The following RABGAP1L variants were observed in gnomAD, a reference collection of about 807,000 sequenced individuals.
RABGAP1L encodes the protein rab GTPase-activating protein 1-like.
Under a neutral mutation model 137.7 loss-of-function variants are expected in RABGAP1L, and 63 were observed. The ratio of observed to expected loss-of-function variants is 0.46; its 90% CI spans 0.37 to 0.56. RABGAP1L has a LOEUF of 0.56. RABGAP1L is among the 20% of genes least tolerant of loss of function. The probability of loss-of-function intolerance (pLI) is 0.00; values close to 1 mark genes in which losing one functional copy is unlikely to be tolerated. For missense variants in RABGAP1L, 1,095 were observed against 1,244.0 expected (o/e 0.88, Z 1.80); for synonymous variants, 431 against 433.7 (o/e 0.99, Z 0.08).
chr1:174,454,879 A>G (rs963844924), intron 13 of RABGAP1L, among the ~76,000 whole-genome samples: 2 of 152,092 alleles, frequency 1.3e-5, no homozygotes, highest in African/African-American at 2.4e-5. Flanking sequence ...TGCATCATTC[A>G]TGGCACCTTT....
At chr1:174,481,304 T>C (rs1659064285) in intron 13 of RABGAP1L, among the ~76,000 whole-genome samples, 1 of 152,234 alleles carries the variant, frequency 6.6e-6, no homozygotes, top group African/African-American at 2.4e-5. Context: ...AGTTGAATCA[T>C]TGACCACTTT....
chr1:174,496,924 G>A (rs964630959), intron 13 of RABGAP1L, among the ~76,000 whole-genome samples: 1 of 152,152 alleles, frequency 6.6e-6, no homozygotes. Context: ...GAAAATCGAT[G>A]CTGCAGAGAA....
chr1:174,313,008 T>A (rs757711479), intron 11 of RABGAP1L, among the ~76,000 whole-genome samples: 37 of 152,160 alleles, frequency 2.4e-4, no homozygotes, highest in Non-Finnish European at 4.4e-4. Context: ...AGCTCTGTAG[T>A]ATAGTTTGAA....
intron 1 of RABGAP1L, among the ~76,000 whole-genome samples, chr1:174,179,358 TG>T (rs775929823): frequency 4.3e-4 from 66 of 152,214 alleles, no homozygotes; most frequent in Non-Finnish European, 7.1e-4. Flanking sequence ...GTGAAGAAAA[TG>T]GTTAATTTAA....
chr1:174,618,384 G>A (rs1012339849), intron 13 of RABGAP1L, among the ~76,000 whole-genome samples: 4 of 152,302 alleles, frequency 2.6e-5, no homozygotes, highest in Admixed American at 6.5e-5. Flanking sequence ...TAACTGGGAG[G>A]CACCCTGCAG....
intron 19 of RABGAP1L, among the ~76,000 whole-genome samples, chr1:174,868,179 G>A (rs3118982): frequency 0.36 from 53,731 of 150,798 alleles, 12,017 homozygotes; most frequent in African/African-American, 0.64. Context: ...GGCTGGTCTC[G>A]AACTCCTGAC....
intron 18 of RABGAP1L, among the ~76,000 whole-genome samples, chr1:174,789,749 A>G (rs1480321281): frequency 1.3e-5 from 2 of 152,248 alleles, no homozygotes; most frequent in African/African-American, 4.8e-5. Flanking sequence ...CTGTAAAATT[A>G]TAATATTTCA....
chr1:174,740,008 T>C lies in RABGAP1L; in HGVS notation c.2170-12305T>C, dbSNP rs559386618. ...AGGCTCCTTAGCGATCCTCAGGGTA[T>C]ATTATTATGATTCTTAAAGTTCACT... On this transcript the variant is annotated intron_variant, in intron 17 of 25. Coordinates refer to ENST00000681986, the MANE Select transcript of RABGAP1L (RefSeq NM_001366446.1). 2.6e-5 allele frequency among the ~76,000 whole-genome samples: 4 copies of C among 152,318 alleles called. No individual in the cohort carries two copies. The South Asian group carries it at 8.3e-4, about 32-fold the overall frequency.
At chr1:174,328,748 C>A (rs1166426400) in intron 11 of RABGAP1L, among the ~76,000 whole-genome samples, 1 of 151,866 alleles carries the variant, frequency 6.6e-6, no homozygotes, top group Non-Finnish European at 1.5e-5. Context: ...CCAGCCTGGG[C>A]GACAGAGCAA....
chr1:174,815,052 A>G (rs1690248280), intron 19 of RABGAP1L, among the ~76,000 whole-genome samples: 1 of 152,162 alleles, frequency 6.6e-6, no homozygotes, highest in Non-Finnish European at 1.5e-5. Flanking sequence ...CCCCAAACCA[A>G]AAGGCTGACC....
intron 19 of RABGAP1L, among the ~76,000 whole-genome samples, chr1:174,947,192 C>T (rs1025547297): frequency 6.8e-6 from 1 of 147,050 alleles, no homozygotes; most frequent in Non-Finnish European, 1.5e-5. Context: ...TTTTCAAATG[C>T]AAGCGTGTTT....
intron 4 of RABGAP1L, among the ~76,000 whole-genome samples, chr1:174,234,621 T>C (rs1368678922): frequency 6.6e-6 from 1 of 151,706 alleles, no homozygotes; most frequent in East Asian, 1.9e-4. Context: ...GTTCCATTGA[T>C]CTATATCTCT....
At chr1:174,218,718 A>G (rs1357297962) in intron 1 of RABGAP1L, among the ~76,000 whole-genome samples, 3 of 152,130 alleles carry the variant, frequency 2.0e-5, no homozygotes, top group Non-Finnish European at 2.9e-5. Context: ...TTTAATTAAT[A>G]TAGCAGTGTC....
intron 11 of RABGAP1L, among the ~76,000 whole-genome samples, chr1:174,339,432 A>T (rs954910807): frequency 6.6e-6 from 1 of 152,224 alleles, no homozygotes; most frequent in African/African-American, 2.4e-5. Context: ...ATTCAGGGCT[A>T]TAACTGTACA....
chr1:174,380,959 A>T (rs1450113932), intron 12 of RABGAP1L, among the ~76,000 whole-genome samples: 1 of 116,418 alleles, frequency 8.6e-6, no homozygotes, highest in East Asian at 2.3e-4. Context: ...CACTGCTTTG[A>T]ATGCGTCCCA....
chr1:174,562,690 T>C (rs1557851506), intron 13 of RABGAP1L, among the ~76,000 whole-genome samples: 1 of 152,182 alleles, frequency 6.6e-6, no homozygotes. Flanking sequence ...AAGGATGAGT[T>C]CATGTCCTTT....
chr1:174,216,430 C>T (rs907879207), intron 1 of RABGAP1L, among the ~76,000 whole-genome samples: 1 of 151,732 alleles, frequency 6.6e-6, no homozygotes, highest in Non-Finnish European at 1.5e-5. Context: ...ACACATGTAC[C>T]CACAAAAATT....
At chr1:174,837,621 A>T in intron 19 of RABGAP1L, among the ~76,000 whole-genome samples, 1 of 152,230 alleles carries the variant, frequency 6.6e-6, no homozygotes, top group South Asian at 2.1e-4. Flanking sequence ...AACAAATGCT[A>T]TGCCAAATAT....
chr1:174,781,409 A>G lies in RABGAP1L; in HGVS notation c.2211+29055A>G, dbSNP rs192460989. Among the ~76,000 whole-genome samples, 5 of 151,970 alleles carry G rather than the reference A, an allele frequency of 3.3e-5. 1 individual carries two copies. In the East Asian group the frequency reaches 9.7e-4, roughly 29 times the overall value. The stretch of plus-strand genomic sequence containing the variant: ...CTTCATATCCTTCACCCACTTTTTG[A>G]TGGGGCTGTTTTTTTCTTGTAAATT... On this transcript the variant is annotated intron_variant, in intron 18 of 25. Coordinates refer to ENST00000681986, the MANE Select transcript of RABGAP1L (RefSeq NM_001366446.1).
Sources: allele counts gnomAD v4.1 joint callset (sites outside exome capture counted in the v4.1 genomes callset), GRCh38; gene constraint gnomAD v4.1.1; transcripts MANE v1.5; gene names NCBI Gene and HGNC (gene_info 2026-07-23, HGNC 2026-07-21).